Variants in DNAH11 observed in about 807,000 individuals in gnomAD.
The protein encoded by DNAH11 is dynein axonemal heavy chain 11.
Under a neutral mutation model 526.0 loss-of-function variants are expected in DNAH11, and 442 were observed. That is an observed-to-expected ratio of 0.84 (90% confidence interval 0.78 to 0.91). The LOEUF (loss-of-function observed/expected upper bound fraction) is 0.91. Among genes scored for constraint, DNAH11 ranks in the 40% least tolerant of loss-of-function variants. The pLI is 0.00. For missense variants in DNAH11, 6,989 were observed against 5,448.7 expected, an observed-to-expected ratio of 1.28 and a Z score of -8.90; for synonymous variants, 2,461 against 1,935.9, an observed-to-expected ratio of 1.27 and a Z score of -7.12.
At chr7:21,584,644 G>T (rs753932315) in intron 9 of DNAH11, among the ~76,000 whole-genome samples, 10 of 152,076 alleles carry the variant, frequency 6.6e-5, no homozygotes, top group Non-Finnish European at 1.5e-4. Flanking sequence ...TCAGGTGCCA[G>T]CCATCAGCCG....
Position 21,687,401 on chromosome 7 carries a change from A to C in DNAH11, c.5798A>C (p.Lys1933Thr), listed in dbSNP as rs751945603. The C allele has an allele frequency of 1.2e-6, 2 of 1,613,394 alleles. No individual in the cohort carries two copies. The highest frequency in any genetic ancestry group is 8.5e-7 in the Non-Finnish European group (1 of 1,179,680). The change falls in exon 34 of 82, where the codon AAG becomes ACG. Residue 1933 changes from lysine to threonine, a missense_variant. Transcript: ENST00000409508. Reference sequence around the variant, plus strand: ...ATTTAGTCCATAGGCAATATCTATAAGGGATTGGTGCAGACAGGAGCTTGG... The same window carrying C: ...ATTTAGTCCATAGGCAATATCTATACGGGATTGGTGCAGACAGGAGCTTGG... The part of the protein sequence containing the change: ...MDYKSIGNIY[K>T]GLVQTGAWGC...
Position 21,543,474 on chromosome 7 carries a change from T to G in DNAH11, c.229T>G (p.Trp77Gly). 1 of 1,593,012 alleles carries G rather than the reference T, an allele frequency of 6.3e-7. No homozygotes were observed. Residue 77 changes from tryptophan to glycine, a missense_variant, in exon 1 of 82, where the codon TGG (tryptophan) becomes GGG (glycine). Transcript: ENST00000409508. ...GATGCTGGGGTTCACGGAGGAGAAA[T>G]GGAGCCAGTATTTGGAAAGCGAGGA... ...AMMLGFTEEK[W>G]SQYLESEDNR...
chr7:21,771,441 G>A (rs549025607), intron 55 of DNAH11, among the ~76,000 whole-genome samples: 562 of 152,294 alleles, frequency 3.7e-3, no homozygotes, highest in Middle Eastern at 0.01. Context: ...ACTCCTGCCC[G>A]AGAACTGTCA....
intron 35 of DNAH11, among the ~76,000 whole-genome samples, chr7:21,697,470 C>T (rs1033138441): frequency 2.0e-5 from 3 of 152,126 alleles, no homozygotes; most frequent in Admixed American, 6.6e-5. Context: ...ATTGTATCAA[C>T]TTTTGATTCA....
At position 21,842,620 on chromosome 7, in the gene DNAH11, C is replaced by A; in HGVS notation, c.10768C>A (p.Pro3590Thr). 1 of 1,613,912 alleles carries A rather than the reference C, an allele frequency of 6.2e-7. No individual in the cohort carries two copies. Among genetic ancestry groups the A allele is most frequent in the Non-Finnish European group, 8.5e-7 (1 of 1,179,876 alleles). Reference protein sequence around the residue: ...RLILHTKLANPHYKPELQAQT... With the variant: ...RLILHTKLANTHYKPELQAQT... ...TATCCTTCACACAAAATTGGCAAAT[C>A]CTCACTATAAGCCGGAATTACAAGC... is the stretch of plus-strand genomic sequence containing the variant. The change falls in exon 66 of 82, where the codon CCT (proline) becomes ACT (threonine). Residue 3590 changes from proline to threonine, a missense_variant. Pro to Thr is a conservative substitution (Grantham distance 38). Coordinates refer to ENST00000409508, the MANE Select transcript of DNAH11 (RefSeq NM_001277115.2).
At chr7:21,799,162 G>A (rs1398783416) in intron 61 of DNAH11, among the ~76,000 whole-genome samples, 4 of 152,236 alleles carry the variant, frequency 2.6e-5, no homozygotes, top group African/African-American at 7.2e-5. Flanking sequence ...TAATGAAGCT[G>A]AAGCATAGAG....
chr7:21,758,892 T>A (rs1786757948), intron 54 of DNAH11, among the ~76,000 whole-genome samples: 1 of 152,134 alleles, frequency 6.6e-6, no homozygotes, highest in African/African-American at 2.4e-5. Context: ...GTGTGTAGAG[T>A]TATCCCATTG....
chr7:21,610,723 CAA>C (rs1785487705), intron 20 of DNAH11, among the ~76,000 whole-genome samples: 1 of 150,868 alleles, frequency 6.6e-6, no homozygotes, highest in African/African-American at 2.4e-5. Flanking sequence ...AAAAAAAATA[CAA>C]CTCAGCAGAT....
intron 25 of DNAH11, among the ~76,000 whole-genome samples, chr7:21,634,170 G>A (rs560259544): frequency 3.3e-5 from 5 of 152,324 alleles, no homozygotes; most frequent in Middle Eastern, 3.4e-3. Context: ...GGTTTATTCA[G>A]TGTGAAGGAC....
intron 56 of DNAH11, among the ~76,000 whole-genome samples, chr7:21,778,135 A>G (rs1375956554): frequency 1.3e-5 from 2 of 152,156 alleles, no homozygotes; most frequent in East Asian, 3.9e-4. Flanking sequence ...ATGACCCTCA[A>G]ACTGAGGAAC....
At chr7:21,882,563 A>G (rs897934390) in intron 75 of DNAH11, among the ~76,000 whole-genome samples, 6 of 152,220 alleles carry the variant, frequency 3.9e-5, no homozygotes, top group Non-Finnish European at 7.3e-5. Flanking sequence ...TGGGAGGCCA[A>G]GTCGGGCGGA....
intron 76 of DNAH11, among the ~76,000 whole-genome samples, chr7:21,891,928 T>C (rs1784339113): frequency 6.6e-6 from 1 of 152,212 alleles, no homozygotes; most frequent in African/African-American, 2.4e-5. Flanking sequence ...TCACATCATA[T>C]ATAAAATGAT....
At position 21,714,459 on chromosome 7, in the gene DNAH11, A is replaced by G. The variant is rs142685424; in HGVS notation, c.6983+2599A>G. 6.2e-4 allele frequency among the ~76,000 whole-genome samples: 95 copies of G among 152,224 alleles called. No homozygotes were observed. In the East Asian group the frequency reaches 0.015, roughly 24 times the overall value. On this transcript the variant is annotated intron_variant, in intron 42 of 81. Transcript: ENST00000409508. ...AAATGGCTATTTTAGAATAAAGGGT[A>G]TTTTTTCCTCTCCATAGTTATTGGA...
intron 9 of DNAH11, among the ~76,000 whole-genome samples, chr7:21,585,473 C>T (rs1185185162): frequency 6.6e-6 from 1 of 152,118 alleles, no homozygotes; most frequent in African/African-American, 2.4e-5. Flanking sequence ...TATTCCAGTA[C>T]CTGCTATTGT....
chr7:21,853,605 A>G (rs17294916), intron 67 of DNAH11, among the ~76,000 whole-genome samples: 6,117 of 152,272 alleles, frequency 0.04, 159 homozygotes, highest in South Asian at 0.14. Context: ...AGTCAACTCT[A>G]TAGAGAAGGT....
At chr7:21,653,884 T>C (rs1225506944) in intron 28 of DNAH11, among the ~76,000 whole-genome samples, 1 of 152,208 alleles carries the variant, frequency 6.6e-6, no homozygotes, top group Admixed American at 6.5e-5. Flanking sequence ...GGAAGTTCCT[T>C]GCCAATATTG....
intron 81 of DNAH11, 51 bp from the exon 82 acceptor site, chr7:21,900,956 T>C (rs1414530887): frequency 1.3e-6 from 2 of 1,512,564 alleles, no homozygotes; most frequent in Non-Finnish European, 1.8e-6. Flanking sequence ...TTGATCATTA[T>C]CATTAGTAGC....
chr7:21,868,585 C>G (rs907087709), intron 72 of DNAH11, among the ~76,000 whole-genome samples: 1 of 152,176 alleles, frequency 6.6e-6, no homozygotes, highest in African/African-American at 2.4e-5. Context: ...TTATAAAGCT[C>G]CATAACAATG....
intron 8 of DNAH11, among the ~76,000 whole-genome samples, chr7:21,575,166 C>G (rs753459388): frequency 5.9e-5 from 9 of 152,128 alleles, no homozygotes; most frequent in Non-Finnish European, 1.0e-4. Flanking sequence ...CATGAGCCAC[C>G]ATGCCCAGCC....
Sources: allele counts gnomAD v4.1 joint callset (sites outside exome capture counted in the v4.1 genomes callset), GRCh38; gene constraint gnomAD v4.1.1; transcripts MANE v1.5; gene names NCBI Gene and HGNC (gene_info 2026-07-23, HGNC 2026-07-21).